RIOK3: variants seen among roughly 807,000 people sequenced by gnomAD.
RIOK3 encodes serine/threonine-protein kinase RIO3.
Under a neutral mutation model 63.5 loss-of-function variants are expected in RIOK3, and 40 were observed. The ratio of observed to expected loss-of-function variants is 0.63; its 90% CI spans 0.49 to 0.82. The LOEUF (loss-of-function observed/expected upper bound fraction) is 0.82, where lower values mean the gene tolerates loss of function less well. Ranked by LOEUF, RIOK3 falls within the 40% of genes least tolerant of loss-of-function variation. The pLI, the probability that RIOK3 is intolerant of heterozygous loss-of-function variation, is 0.00. For synonymous variants in RIOK3, 193 were observed against 205.0 expected (o/e 0.94, Z 0.50); for missense variants, 557 against 637.0 (o/e 0.87, Z 1.35).
rs2057532862 is a variant in RIOK3, at chr18:23,481,312, C to A, written c.*33C>A. The A allele has an allele frequency of 1.6e-6, 2 of 1,275,760 alleles. No individual in the cohort carries two copies. The highest frequency in any genetic ancestry group is 2.2e-6 in the Non-Finnish European group (2 of 912,784). 79.0% of individuals were successfully genotyped at this position (1,275,760 alleles called of 1,614,324 possible). The stretch of plus-strand genomic sequence containing the variant: ...ACCCACTGCTTCAGTGTTAACACAG[C>A]AGTGATTGTCAGCTGCCAATAGCAA... On this transcript the variant is annotated 3_prime_UTR_variant, in exon 13 of 13. Coordinates refer to ENST00000339486, the MANE Select transcript of RIOK3 (RefSeq NM_003831.5).
intron 11 of RIOK3, among the ~76,000 whole-genome samples, chr18:23,477,690 G>A (rs914297030): frequency 5.9e-5 from 9 of 151,352 alleles, no homozygotes; most frequent in African/African-American, 1.9e-4. Flanking sequence ...TTGAACCTGG[G>A]AGGCAGAGGC....
intron 7 of RIOK3, among the ~76,000 whole-genome samples, chr18:23,469,326 TCTCTCTCTCTCC>T (rs2057433387): frequency 3.5e-5 from 1 of 28,832 alleles, no homozygotes; most frequent in African/African-American, 1.7e-4. Context: ...TCTCTCTCTC[TCTCTCTCTCTCC>T]CCCTCTCTCC....
chr18:23,455,269 T>G (rs1443909143), intron 1 of RIOK3, among the ~76,000 whole-genome samples: 3 of 151,958 alleles, frequency 2.0e-5, no homozygotes, highest in Non-Finnish European at 4.4e-5. Context: ...GAGATGGGAT[T>G]TCACCGTATT....
At chr18:23,479,267 A>C in intron 11 of RIOK3, 50 bp from the exon 12 acceptor site, 1 of 1,205,832 alleles carries the variant, frequency 8.3e-7, no homozygotes, top group South Asian at 1.2e-5. Context: ...TTAGTTTATA[A>C]GAGAACATTG....
At position 23,463,957 on chromosome 18, in the gene RIOK3, T is replaced by C. The variant is rs372420630; in HGVS notation, c.180-10T>C. 13 of 1,594,512 alleles carry C rather than the reference T, an allele frequency of 8.2e-6. No individual in the cohort carries two copies. Among genetic ancestry groups the C allele is most frequent in the African/African-American group, 1.4e-5 (1 of 73,904 alleles). Reference sequence around the variant, plus strand: ...CATTACATTAGTTTATATTGCCTTATTTTGAATAGTGTTGCTGAAGGACCA... The same window carrying C: ...CATTACATTAGTTTATATTGCCTTACTTTGAATAGTGTTGCTGAAGGACCA... On this transcript the variant is annotated splice_polypyrimidine_tract_variant and intron_variant, in intron 2 of 12. Coordinates refer to ENST00000339486, the MANE Select transcript of RIOK3 (RefSeq NM_003831.5).
At chr18:23,474,283 C>CT (rs1415474047) in intron 8 of RIOK3, among the ~76,000 whole-genome samples, 2 of 152,170 alleles carry the variant, frequency 1.3e-5, no homozygotes, top group African/African-American at 4.8e-5. Context: ...CTCCCAGCTA[C>CT]TTGGGAGGCT....
rs367892258 is a variant in RIOK3 at position 23,473,649 on chromosome 18, C to T, written c.1013+23C>T. 31 of 1,563,202 alleles carry T rather than the reference C, an allele frequency of 2.0e-5. No homozygotes were observed. In the African/African-American group the frequency reaches 2.9e-4, roughly 14 times the overall value. On this transcript the variant is annotated intron_variant, in intron 8 of 12. Transcript: ENST00000339486. The stretch of plus-strand genomic sequence containing the variant: ...AAGGTAAAGAAAATATTGTGCTAGA[C>T]GTAATCTTGGGTAAATACCTTTTTG...
At chr18:23,460,831 C>G (rs1207928572) in intron 1 of RIOK3, among the ~76,000 whole-genome samples, 1 of 152,152 alleles carries the variant, frequency 6.6e-6, no homozygotes, top group East Asian at 1.9e-4. Flanking sequence ...AGAGTCTAGA[C>G]CTTAAAATCC....
In RIOK3 at chr18:23,479,379, A is replaced by G; in HGVS notation, c.1407A>G (p.Ser469=). 6.2e-7 allele frequency: 1 copy of G among 1,613,818 alleles called. No individual in the cohort carries two copies. Among genetic ancestry groups the G allele is most frequent in the Non-Finnish European group, 8.5e-7 (1 of 1,179,768 alleles). The change falls in exon 12 of 13, where the codon TCA becomes TCG. Residue 469 remains serine (S), a synonymous_variant. Coordinates refer to ENST00000339486, the MANE Select transcript of RIOK3 (RefSeq NM_003831.5). ...AACGAGAACTCTTCAATGCTGTTTC[A>G]GGCTTAAACATCACAGCAGATAATG... The part of the protein sequence containing the change: ...LSERELFNAV[S]GLNITADNEA...
chr18:23,479,733 T>C (rs2057518903), intron 12 of RIOK3, among the ~76,000 whole-genome samples: 1 of 151,950 alleles, frequency 6.6e-6, no homozygotes. Flanking sequence ...TGTGCCACCA[T>C]GCTTGGCTAA....
At chr18:23,455,316 A>C (rs113575624) in intron 1 of RIOK3, among the ~76,000 whole-genome samples, 1,963 of 144,628 alleles carry the variant, frequency 0.014, 36 homozygotes, top group African/African-American at 0.047. Context: ...TCAAGTGTCC[A>C]CCCGCCTCGG....
intron 11 of RIOK3, 130 bp from the exon 12 acceptor site, chr18:23,479,183 CTGTG>C (rs45523933): frequency 2.0e-4 from 107 of 522,450 alleles, no homozygotes; most frequent in Middle Eastern, 4.9e-4. Context: ...GTTGAAATTA[CTGTG>C]TGTGTGTGTG....
At position 23,469,180 on chromosome 18, in the gene RIOK3, C is replaced by T. The variant is rs148744376; in HGVS notation, c.815+1654C>T. ...AATGACTAGACCATCACCTTTGCCA[C>T]ATAACCTAACCAGGGAGTGGCTATC... is the stretch of plus-strand genomic sequence containing the variant. On this transcript the variant is annotated intron_variant, in intron 7 of 12. Coordinates refer to ENST00000339486, the MANE Select transcript of RIOK3 (RefSeq NM_003831.5). Among the ~76,000 whole-genome samples, 23 of 152,334 alleles carry T rather than the reference C, an allele frequency of 1.5e-4. No homozygotes were observed. In the East Asian group the frequency reaches 4.4e-3, roughly 29 times the overall value.
At position 23,466,200 on chromosome 18, in the gene RIOK3, A is replaced by G. The variant is rs922829288; in HGVS notation, c.611A>G (p.Asn204Ser). ...MDLKLSNHVF[N>S]ALKQHAYSEE... Reference sequence around the variant, plus strand: ...TTAAAACTATCAAACCATGTTTTCAATGCTTTAAAACAACATGCCTACTCA... The same window carrying G: ...TTAAAACTATCAAACCATGTTTTCAGTGCTTTAAAACAACATGCCTACTCA... The change falls in exon 6 of 13, where the codon AAT becomes AGT. Residue 204 changes from asparagine (N) to serine (S), a missense_variant. Around this residue, in one of 3 missense-constraint regions of RIOK3, gnomAD observed 243 missense variants for 275.4 expected, o/e 0.88. Coordinates refer to ENST00000339486, the MANE Select transcript of RIOK3 (RefSeq NM_003831.5). The G allele has an allele frequency of 2.9e-5, 47 of 1,612,302 alleles. No homozygotes were observed. Among genetic ancestry groups the G allele is most frequent in the African/African-American group, 5.3e-5 (4 of 74,878 alleles).
chr18:23,466,216 TG>T lies in RIOK3; in HGVS notation c.628del (p.Ala210ProfsTer110), dbSNP rs748562493. On this transcript the variant is annotated frameshift_variant, in exon 6 of 13. Coordinates refer to ENST00000339486, the MANE Select transcript of RIOK3 (RefSeq NM_003831.5). LOFTEE classifies it high-confidence loss of function. ...ATGTTTTCAATGCTTTAAAACAACATGCCTACTCAGAAGAACGTCGAAGTGC... is the reference window on the plus strand; with the variant it reads ...ATGTTTTCAATGCTTTAAAACAACATCCTACTCAGAAGAACGTCGAAGTGC... ...NHVFNALKQHAYSEERRSARL... is the reference protein window; with the variant it reads ...NHVFNALKQHXYSEERRSARL... 16 of 1,612,862 alleles carry T rather than the reference TG, an allele frequency of 9.9e-6. No homozygotes were observed. Among genetic ancestry groups the T allele is most frequent in the Non-Finnish European group, 1.3e-5 (15 of 1,179,430 alleles).
chr18:23,474,508 G>T (rs2145697603), intron 8 of RIOK3, among the ~76,000 whole-genome samples: 1 of 152,198 alleles, frequency 6.6e-6, no homozygotes, highest in African/African-American at 2.4e-5. Context: ...GTTTTCCATA[G>T]TGGAGCTTGC....
At chr18:23,462,039 C>T (rs773499282) in intron 1 of RIOK3, among the ~76,000 whole-genome samples, 5 of 146,148 alleles carry the variant, frequency 3.4e-5, no homozygotes, top group Non-Finnish European at 3.0e-5. Flanking sequence ...TGCAGTGAGC[C>T]GAGATCACGC....
Position 23,456,432 on chromosome 18 carries a change from T to C in RIOK3, c.63+2930T>C, listed in dbSNP as rs890951887. 2.6e-5 allele frequency: 4 copies of C among 152,068 alleles called. No homozygotes were observed. In the East Asian group the frequency reaches 7.7e-4, roughly 29 times the overall value. The allele number at this position is 152,068 out of a possible 1,614,324, so 9.4% of individuals were successfully genotyped here. On this transcript the variant is annotated intron_variant, in intron 1 of 12. Transcript: ENST00000339486. The stretch of plus-strand genomic sequence containing the variant: ...AACATTAGTGTCACTAAAGTTGATA[T>C]ACAACCTCCCCGCTGCTAAATTTGG...
At chr18:23,466,066 G>A in intron 5 of RIOK3, 67 bp from the exon 6 acceptor site, 1 of 1,254,324 alleles carries the variant, frequency 8.0e-7, no homozygotes, top group Non-Finnish European at 1.1e-6. Context: ...TCATTTGGTT[G>A]TTTTTGTTTT....
Sources: allele counts gnomAD v4.1 joint callset (sites outside exome capture counted in the v4.1 genomes callset), GRCh38; gene constraint gnomAD v4.1.1; regional missense constraint gnomAD v4.1.1; transcripts MANE v1.5; gene names NCBI Gene and HGNC (gene_info 2026-07-23, HGNC 2026-07-21).